Variants in ABCC9 observed in about 807,000 individuals in gnomAD.
ABCC9 encodes the protein ATP binding cassette subfamily C member 9.
ABCC9 carries 95 observed loss-of-function variants against 188.3 expected under a neutral mutation model. The ratio of observed to expected loss-of-function variants is 0.50; its 90% CI spans 0.43 to 0.60. ABCC9 has a LOEUF of 0.60. Ranked by LOEUF, ABCC9 falls within the 20% of genes least tolerant of loss-of-function variation. ABCC9 has a pLI of 0.00. For missense variants in ABCC9, 1,102 were observed against 1,876.3 expected (o/e 0.59, Z 7.62); for synonymous variants, 659 against 652.7 (o/e 1.01, Z -0.15).
At chr12:21,939,826 A>G (rs1949625588) in intron 2 of ABCC9, among the ~76,000 whole-genome samples, 2 of 152,256 alleles carry the variant, frequency 1.3e-5, no homozygotes, top group Admixed American at 1.3e-4. Flanking sequence ...ATGGAGCAGA[A>G]AACATAAAAT....
intron 24 of ABCC9, among the ~76,000 whole-genome samples, chr12:21,848,815 G>A (rs1222743857): frequency 6.6e-6 from 1 of 152,152 alleles, no homozygotes; most frequent in Non-Finnish European, 1.5e-5. Flanking sequence ...GAGGATTCTA[G>A]GTGCCTAGCA....
At chr12:21,884,047 G>A (rs1252396041) in intron 15 of ABCC9, among the ~76,000 whole-genome samples, 2 of 151,676 alleles carry the variant, frequency 1.3e-5, no homozygotes, top group Non-Finnish European at 2.9e-5. Context: ...GAAACATATT[G>A]AGTCAGTATT....
chr12:21,919,862 TAAC>T (rs1366330706), intron 5 of ABCC9, among the ~76,000 whole-genome samples: 1 of 152,040 alleles, frequency 6.6e-6, no homozygotes, highest in Non-Finnish European at 1.5e-5. Context: ...TAAAAAGCCT[TAAC>T]AAATGAAATC....
chr12:21,917,173 TATG>T (rs1166082447), intron 5 of ABCC9, 70 bp from the exon 6 acceptor site: 2 of 1,512,070 alleles, frequency 1.3e-6, no homozygotes, highest in Non-Finnish European at 1.8e-6. Context: ...TGAATGTAAT[TATG>T]ATGCTTTTTA....
intron 31 of ABCC9, among the ~76,000 whole-genome samples, chr12:21,824,347 G>C (rs1236459238): frequency 6.6e-6 from 1 of 152,162 alleles, no homozygotes; most frequent in Non-Finnish European, 1.5e-5. Context: ...ATGCCGACTT[G>C]ATCGTGGTGG....
intron 36 of ABCC9, among the ~76,000 whole-genome samples, chr12:21,811,010 GCT>G (rs1386808567): frequency 4.6e-5 from 7 of 152,072 alleles, no homozygotes. Context: ...ATATCATTTT[GCT>G]CTGTGTTCCC....
intron 20 of ABCC9, 52 bp downstream of exon 20, chr12:21,862,901 G>T: frequency 8.7e-7 from 1 of 1,146,482 alleles, no homozygotes; most frequent in Middle Eastern, 2.4e-4. Flanking sequence ...CCAAACACAC[G>T]AGTCAGAAAG....
At chr12:21,886,388 C>T (rs1020822280) in intron 15 of ABCC9, among the ~76,000 whole-genome samples, 1 of 152,038 alleles carries the variant, frequency 6.6e-6, no homozygotes, top group Non-Finnish European at 1.5e-5. Flanking sequence ...CTCCTCCATC[C>T]AATCTATCAC....
rs189014897 is a variant in ABCC9, at chr12:21,878,705, G to A, written c.2020-2979C>T. On this transcript the variant is annotated intron_variant, in intron 16 of 39. Transcript: ENST00000261200. ...TAGCTTTATGAGTGTGACAGGGAAA[G>A]GTTATGGTCTGAAAGTAGCAGGAAA... Among the ~76,000 whole-genome samples, 247 of 152,260 alleles carry A rather than the reference G, an allele frequency of 1.6e-3. 2 individuals carry two copies. The highest frequency in any genetic ancestry group is 5.7e-3 in the African/African-American group (236 of 41,546).
At chr12:21,903,679 A>T (rs1483041615) in intron 12 of ABCC9, among the ~76,000 whole-genome samples, 1 of 152,246 alleles carries the variant, frequency 6.6e-6, no homozygotes, top group Non-Finnish European at 1.5e-5. Context: ...TCCCATTCAC[A>T]ATTGCTACAA....
intron 28 of ABCC9, 57 bp downstream of exon 28, chr12:21,844,426 T>G: frequency 3.7e-6 from 5 of 1,345,836 alleles, no homozygotes; most frequent in Non-Finnish European, 5.3e-6. Context: ...CTTAAAATGC[T>G]ATTTAGCTTA....
rs1290735087 is a variant in ABCC9 at position 21,798,760 on chromosome 12, T to C, written c.*2284A>G. On this transcript the variant is annotated 3_prime_UTR_variant, in exon 40 of 40. Transcript: ENST00000261200. ...TCCCATTACTGGGTATATACCCAAA[T>C]GACTATAAATCATGCTGCTATAAAG... 2 of 149,282 alleles carry C rather than the reference T, an allele frequency of 1.3e-5. No homozygotes were observed. Among genetic ancestry groups the C allele is most frequent in the African/African-American group, 2.5e-5 (1 of 40,388 alleles). 9.2% of individuals were successfully genotyped at this position (149,282 alleles called of 1,614,324 possible). A position where few individuals can be genotyped will look rare whatever the true frequency, so the allele number is the denominator to read the frequency against.
chr12:21,938,072 C>G (rs1949565022), intron 2 of ABCC9: 1 of 83,884 alleles, frequency 1.2e-5, no homozygotes, highest in Non-Finnish European at 2.3e-5. Flanking sequence ...ACAAACAATA[C>G]TTTTCCTAGG....
intron 4 of ABCC9, among the ~76,000 whole-genome samples, chr12:21,928,430 AAAAAG>A (rs374136277): frequency 0.024 from 3,494 of 148,348 alleles, 126 homozygotes; most frequent in African/African-American, 0.083. Flanking sequence ...GAAGAAAGAA[AAAAAG>A]AAAAGAAAAG....
At chr12:21,844,726 A>T in intron 27 of ABCC9, 41 bp downstream of exon 27, 4 of 1,609,936 alleles carry the variant, frequency 2.5e-6, no homozygotes, top group Non-Finnish European at 3.4e-6. Flanking sequence ...GCATATTTTT[A>T]TTATTTTATG....
chr12:21,834,377 A>T (rs1943953309), intron 30 of ABCC9, among the ~76,000 whole-genome samples: 1 of 152,156 alleles, frequency 6.6e-6, no homozygotes, highest in African/African-American at 2.4e-5. Flanking sequence ...AAGGAAATGG[A>T]CAAGACTGAA....
Position 21,847,934 on chromosome 12 carries a change from T to C in ABCC9, c.2866+216A>G, listed in dbSNP as rs748603613. ...AAGTCTTTCTCACACATAACAACTG[T>C]AGTAAGACATATTCTGTGGAGGCCC... is the stretch of plus-strand genomic sequence containing the variant. On this transcript the variant is annotated intron_variant, in intron 25 of 39. Coordinates refer to ENST00000261200, the MANE Select transcript of ABCC9 (RefSeq NM_020297.4). Among the ~76,000 whole-genome samples the C allele has an allele frequency of 2.0e-5, 3 of 152,200 alleles. No homozygotes were observed. The South Asian group carries it at 6.2e-4, about 32-fold the overall frequency.
At chr12:21,824,941 T>A (rs1468630260) in intron 31 of ABCC9, among the ~76,000 whole-genome samples, 1 of 152,102 alleles carries the variant, frequency 6.6e-6, no homozygotes, top group African/African-American at 2.4e-5. Flanking sequence ...TTTGTTGATC[T>A]TTTTTGTTGA....
chr12:21,925,215 G>A (rs552129721), intron 5 of ABCC9: 25 of 311,402 alleles, frequency 8.0e-5, no homozygotes, highest in African/African-American at 4.7e-4. Flanking sequence ...TATACTCCAA[G>A]GAATACAGTG....
Sources: allele counts gnomAD v4.1 joint callset (sites outside exome capture counted in the v4.1 genomes callset), GRCh38; gene constraint gnomAD v4.1.1; transcripts MANE v1.5; gene names NCBI Gene and HGNC (gene_info 2026-07-23, HGNC 2026-07-21).